GLIS3: variants seen among roughly 807,000 people sequenced by gnomAD.
GLIS3 encodes GLIS family zinc finger 3.
GLIS3 carries 53 observed loss-of-function variants against 78.6 expected under a neutral mutation model. The ratio of observed to expected loss-of-function variants is 0.67; its 90% CI spans 0.54 to 0.85. GLIS3 has a LOEUF of 0.85. GLIS3 is among the 40% of genes least tolerant of loss of function. The pLI, the probability that GLIS3 is intolerant of heterozygous loss-of-function variation, is 0.00. For synonymous variants in GLIS3, 684 were observed against 509.9 expected (o/e 1.34, Z -4.60); for missense variants, 1,703 against 1,231.1 (o/e 1.38, Z -5.74).
intron 4 of GLIS3, among the ~76,000 whole-genome samples, chr9:4,116,631 T>C (rs775182236): frequency 1.3e-5 from 2 of 152,202 alleles, no homozygotes; most frequent in Non-Finnish European, 2.9e-5. Flanking sequence ...GGCCAATCTA[T>C]AATCAAGCAT....
Position 4,189,384 on chromosome 9 carries a change from T to C in GLIS3, c.389-63443A>G, listed in dbSNP as rs546480656. 1.8e-3 allele frequency among the ~76,000 whole-genome samples: 280 copies of C among 152,340 alleles called. 2 individuals are homozygous for C. The highest frequency in any genetic ancestry group is 1.8e-3 in the Non-Finnish European group (120 of 68,038). ...GAGTTTGTTATAATTTCTGTTCTTT[T>C]ATATGTGCTGAGGAGAGCTTTACTT... On this transcript the variant is annotated intron_variant, in intron 2 of 10. Transcript: ENST00000381971.
chr9:3,892,512 T>C (rs538567401), intron 7 of GLIS3, among the ~76,000 whole-genome samples: 14 of 152,190 alleles, frequency 9.2e-5, no homozygotes, highest in Non-Finnish European at 1.8e-4. Context: ...GCCTGCAATA[T>C]GCTCTCTTAT....
intron 4 of GLIS3, among the ~76,000 whole-genome samples, chr9:4,088,951 C>G (rs1285856524): frequency 6.6e-6 from 1 of 152,246 alleles, no homozygotes; most frequent in Non-Finnish European, 1.5e-5. Context: ...GAATAGACAG[C>G]TCCTCAGATG....
At chr9:4,481,886 C>T in the GLIS3 span, among the ~76,000 whole-genome samples, 1 of 152,138 alleles carries the variant, frequency 6.6e-6, no homozygotes, top group Non-Finnish European at 1.5e-5. Context: ...GTGACACTAC[C>T]CATTTCTCCA....
At chr9:4,290,077 A>T (rs1375059900) in intron 1 of GLIS3, among the ~76,000 whole-genome samples, 1 of 152,148 alleles carries the variant, frequency 6.6e-6, no homozygotes, top group African/African-American at 2.4e-5. Flanking sequence ...CATTCCAGAA[A>T]ATTTCAAGAA....
chr9:4,372,187 G>A, the GLIS3 span, among the ~76,000 whole-genome samples: 28 of 152,186 alleles, frequency 1.8e-4, no homozygotes, highest in African/African-American at 6.5e-4. Flanking sequence ...AAGAGAGAGT[G>A]CCAGTTTCAT....
chr9:4,043,204 C>A (rs1198125084), intron 4 of GLIS3, among the ~76,000 whole-genome samples: 2 of 152,158 alleles, frequency 1.3e-5, no homozygotes, highest in African/African-American at 4.8e-5. Context: ...CCTTTCCTCC[C>A]AATCACTTTC....
intron 4 of GLIS3, among the ~76,000 whole-genome samples, chr9:4,085,114 GCT>G (rs1828909373): frequency 1.3e-5 from 2 of 152,100 alleles, no homozygotes; most frequent in South Asian, 2.1e-4. Flanking sequence ...TAAATAAAAA[GCT>G]CTCTCTCAAT....
intron 8 of GLIS3, among the ~76,000 whole-genome samples, chr9:3,862,215 A>G (rs1820258184): frequency 6.6e-6 from 1 of 152,210 alleles, no homozygotes. Context: ...GGACTTCTCT[A>G]GCGGAGATGG....
intron 6 of GLIS3, among the ~76,000 whole-genome samples, chr9:3,916,421 C>T (rs935999034): frequency 6.6e-6 from 1 of 152,208 alleles, no homozygotes; most frequent in Non-Finnish European, 1.5e-5. Context: ...TGTCCCCCTG[C>T]GCCAACTCTC....
chr9:3,935,955 G>A (rs192295717), intron 5 of GLIS3, among the ~76,000 whole-genome samples: 8 of 152,138 alleles, frequency 5.3e-5, no homozygotes, highest in Non-Finnish European at 1.2e-4. Context: ...TAGCTAAAAT[G>A]ACTTCTATGA....
chr9:4,295,107 G>C (rs1258079992), intron 1 of GLIS3, among the ~76,000 whole-genome samples: 3 of 152,036 alleles, frequency 2.0e-5, no homozygotes, highest in African/African-American at 7.2e-5. Flanking sequence ...CCTTTATCTT[G>C]GCCTACTGGT....
At chr9:4,428,346 G>A in the GLIS3 span, among the ~76,000 whole-genome samples, 3 of 151,894 alleles carry the variant, frequency 2.0e-5, no homozygotes, top group African/African-American at 4.8e-5. Context: ...AGGCTTGGTG[G>A]CATGCACCTG....
At chr9:4,201,695 A>C (rs1819411882) in intron 2 of GLIS3, among the ~76,000 whole-genome samples, 1 of 152,222 alleles carries the variant, frequency 6.6e-6, no homozygotes, top group African/African-American at 2.4e-5. Flanking sequence ...AGGTGACACA[A>C]ACAAATGAAA....
chr9:4,213,663 G>A (rs886256313), intron 2 of GLIS3, among the ~76,000 whole-genome samples: 1 of 152,182 alleles, frequency 6.6e-6, no homozygotes, highest in African/African-American at 2.4e-5. Flanking sequence ...CACAGGTTGT[G>A]TATCTTGTTC....
the GLIS3 span, among the ~76,000 whole-genome samples, chr9:4,382,461 T>A: frequency 0.012 from 1,812 of 152,306 alleles, 38 homozygotes; most frequent in African/African-American, 0.042. Flanking sequence ...TCTACAAGAA[T>A]CTCCTCTTCC....
intron 4 of GLIS3, among the ~76,000 whole-genome samples, chr9:4,101,126 C>T (rs1830339828): frequency 6.6e-6 from 1 of 152,208 alleles, no homozygotes; most frequent in Non-Finnish European, 1.5e-5. Flanking sequence ...GTTCACAACC[C>T]AGTACTTACT....
At chr9:3,955,616 A>C (rs1817049793) in intron 4 of GLIS3, among the ~76,000 whole-genome samples, 1 of 152,204 alleles carries the variant, frequency 6.6e-6, no homozygotes, top group Non-Finnish European at 1.5e-5. Context: ...AATAGCCAAG[A>C]TGCTTCCAGG....
At chr9:4,367,633 CAAA>C in the GLIS3 span, among the ~76,000 whole-genome samples, 21 of 62,000 alleles carry the variant, frequency 3.4e-4, no homozygotes, top group African/African-American at 1.0e-3. Context: ...GACTCCATCT[CAAA>C]AAAAAAAAAA....
Sources: allele counts gnomAD v4.1 joint callset (sites outside exome capture counted in the v4.1 genomes callset), GRCh38; gene constraint gnomAD v4.1.1; transcripts MANE v1.5; gene names NCBI Gene and HGNC (gene_info 2026-07-23, HGNC 2026-07-21).